Variants in NRP2 observed in about 807,000 individuals in gnomAD.
NRP2 encodes the protein neuropilin 2.
Under a neutral mutation model 110.4 loss-of-function variants are expected in NRP2, and 52 were observed. The ratio of observed to expected loss-of-function variants is 0.47; its 90% CI spans 0.38 to 0.59. NRP2 has a LOEUF of 0.59. Ranked by LOEUF, NRP2 falls within the 20% of genes least tolerant of loss-of-function variation. NRP2 has a pLI of 0.00. For missense variants in NRP2, 1,049 were observed against 1,203.0 expected, an observed-to-expected ratio of 0.87 and a Z score of 1.89; for synonymous variants, 508 against 468.9, an observed-to-expected ratio of 1.08 and a Z score of -1.08.
chr2:205,698,910 G>C (rs1177552192), intron 2 of NRP2, among the ~76,000 whole-genome samples: 1 of 152,220 alleles, frequency 6.6e-6, no homozygotes, highest in Admixed American at 6.5e-5. Flanking sequence ...CTACAGGCCA[G>C]GTCTGGGCCA....
intron 3 of NRP2, among the ~76,000 whole-genome samples, chr2:205,718,614 C>T (rs2056948833): frequency 6.6e-6 from 1 of 152,212 alleles, no homozygotes; most frequent in Admixed American, 6.5e-5. Context: ...TCATACCCAC[C>T]TGCTGCTGGA....
At chr2:205,732,831 C>T (rs1209404345) in intron 7 of NRP2, among the ~76,000 whole-genome samples, 1 of 152,122 alleles carries the variant, frequency 6.6e-6, no homozygotes, top group East Asian at 1.9e-4. Context: ...CTTAGGGATG[C>T]AATTATGCTT....
rs755038975 is a variant in NRP2, at chr2:205,794,891, G to A, written c.2614G>A (p.Val872Ile). ...CATCATCGCCATGAGCTCACTGGGC[G>A]TCCTCCTGGGGGCCACCTGTGCAGG... ...ITIIAMSSLG[V>I]LLGATCAGLL... The change falls in exon 17 of 17, where the codon GTC becomes ATC. Residue 872 changes from valine (V) to isoleucine (I), a missense_variant. Coordinates refer to ENST00000357785, the MANE Select transcript of NRP2 (RefSeq NM_003872.3). 32 of 1,614,164 alleles carry A rather than the reference G, an allele frequency of 2.0e-5. No individual in the cohort carries two copies. Among genetic ancestry groups the A allele is most frequent in the Middle Eastern group, 1.6e-4 (1 of 6,062 alleles).
chr2:205,736,073 G>C (rs1044832707), intron 7 of NRP2, among the ~76,000 whole-genome samples: 4 of 152,186 alleles, frequency 2.6e-5, no homozygotes, highest in Non-Finnish European at 5.9e-5. Context: ...CAGGCATGGT[G>C]GCTCACACCT....
intron 2 of NRP2, among the ~76,000 whole-genome samples, chr2:205,706,222 G>T (rs1256641314): frequency 6.6e-6 from 1 of 152,054 alleles, no homozygotes; most frequent in Non-Finnish European, 1.5e-5. Context: ...CCTGCCTTTA[G>T]TGTCAATGGA....
intron 10 of NRP2, among the ~76,000 whole-genome samples, chr2:205,746,551 C>T (rs763408200): frequency 1.6e-4 from 25 of 152,156 alleles, no homozygotes; most frequent in Non-Finnish European, 3.1e-4. Context: ...TTCCTTGGGT[C>T]GCCAGCCCTC....
chr2:205,717,953 T>C (rs993198702), intron 3 of NRP2, among the ~76,000 whole-genome samples: 4 of 152,122 alleles, frequency 2.6e-5, no homozygotes, highest in African/African-American at 9.7e-5. Flanking sequence ...TGAGGCAGAA[T>C]GAATAAGTGC....
chr2:205,710,922 AT>A (rs1220862514), intron 2 of NRP2, among the ~76,000 whole-genome samples: 3 of 152,218 alleles, frequency 2.0e-5, no homozygotes, highest in Non-Finnish European at 4.4e-5. Flanking sequence ...CTTTGACAGC[AT>A]TTTAATTATA....
At chr2:205,794,389 C>T (rs151038603) in intron 16 of NRP2, among the ~76,000 whole-genome samples, 2,728 of 152,280 alleles carry the variant, frequency 0.018, 80 homozygotes, top group African/African-American at 0.061. Context: ...GGATTACAGG[C>T]GTGAGCCACC....
At position 205,797,106 on chromosome 2, in the gene NRP2, G is replaced by A. The variant is rs1304630869; in HGVS notation, c.*2048G>A. ...TGGTCATGTGGGACTCAGTGGTGGT[G>A]TTGTGACTTTGACCTAGGGTCCGAG... On this transcript the variant is annotated 3_prime_UTR_variant, in exon 17 of 17. Transcript: ENST00000357785. 6.5e-6 allele frequency: 1 copy of A among 152,688 alleles called. No homozygotes were observed. The highest frequency in any genetic ancestry group is 2.4e-5 in the African/African-American group (1 of 41,434). The allele number at this position is 152,688 out of a possible 1,614,324, so 9.5% of individuals were successfully genotyped here.
At chr2:205,761,476 T>G (rs2057820881) in intron 12 of NRP2, 1 of 152,182 alleles carries the variant, frequency 6.6e-6, no homozygotes, top group African/African-American at 2.4e-5. Context: ...TTTAAAAACA[T>G]AAAATCAGCA....
chr2:205,743,926 T>C (rs1011693931), intron 9 of NRP2, among the ~76,000 whole-genome samples: 1 of 152,098 alleles, frequency 6.6e-6, no homozygotes, highest in African/African-American at 2.4e-5. Context: ...GTATTTCTGG[T>C]AGAGATGGGG....
At chr2:205,743,698 A>G (rs1184200850) in intron 9 of NRP2, 146 bp downstream of exon 9, 1 of 1,440,058 alleles carries the variant, frequency 6.9e-7, no homozygotes, top group Non-Finnish European at 9.2e-7. Context: ...TTGAGAGATT[A>G]CTTTGTGCCA....
At chr2:205,794,685 G>A (rs969815833) in intron 16 of NRP2, 69 bp from the exon 17 acceptor site, 113 of 1,507,656 alleles carry the variant, frequency 7.5e-5, no homozygotes, top group Middle Eastern at 1.8e-4. Flanking sequence ...CTCTGGGCTG[G>A]GGAGGCTCAG....
At chr2:205,729,534 G>A (rs972085523) in intron 7 of NRP2, among the ~76,000 whole-genome samples, 34 of 149,080 alleles carry the variant, frequency 2.3e-4, no homozygotes, top group Non-Finnish European at 2.8e-4. Context: ...AGCAGACGAG[G>A]GCCAGAAGCC....
chr2:205,723,075 G>GCTACT (rs1188653588), intron 4 of NRP2, among the ~76,000 whole-genome samples: 1 of 152,202 alleles, frequency 6.6e-6, no homozygotes, highest in Non-Finnish European at 1.5e-5. Flanking sequence ...TCCCGGCTCT[G>GCTACT]CTACTCCCCA....
At chr2:205,741,568 A>G (rs1445233122) in intron 8 of NRP2, among the ~76,000 whole-genome samples, 5 of 152,192 alleles carry the variant, frequency 3.3e-5, no homozygotes, top group Non-Finnish European at 5.9e-5. Flanking sequence ...GGAGATGATG[A>G]TGGCTGGATT....
intron 5 of NRP2, among the ~76,000 whole-genome samples, chr2:205,724,827 C>T (rs2057096444): frequency 6.6e-6 from 1 of 151,956 alleles, no homozygotes; most frequent in African/African-American, 2.4e-5. Flanking sequence ...CCACCATGCC[C>T]AGCTAATTTT....
rs549096546 is a variant in NRP2, at chr2:205,741,489, G to A, written c.1291+826G>A. Among the ~76,000 whole-genome samples the A allele has an allele frequency of 1.2e-4, 18 of 152,354 alleles. No individual in the cohort carries two copies. In the East Asian group the frequency reaches 3.3e-3, roughly 28 times the overall value. ...CACAGCTTGTGGGCTGAAACCCAAG[G>A]CATGTAGATTGGAGAAGACCAGAGT... On this transcript the variant is annotated intron_variant, in intron 8 of 16. Coordinates refer to ENST00000357785, the MANE Select transcript of NRP2 (RefSeq NM_003872.3).
Sources: allele counts gnomAD v4.1 joint callset (sites outside exome capture counted in the v4.1 genomes callset), GRCh38; gene constraint gnomAD v4.1.1; transcripts MANE v1.5; gene names NCBI Gene and HGNC (gene_info 2026-07-23, HGNC 2026-07-21).